ARID5B: variants seen among roughly 807,000 people sequenced by gnomAD.
ARID5B encodes AT-rich interactive domain-containing protein 5B.
Under a neutral mutation model 97.2 loss-of-function variants are expected in ARID5B, and 13 were observed. The observed-to-expected ratio is 0.13, with a 90% CI of 0.09 to 0.21. The LOEUF (loss-of-function observed/expected upper bound fraction) is 0.21, where lower values mean the gene tolerates loss of function less well. Among genes scored for constraint, ARID5B ranks in the 10% least tolerant of loss-of-function variants. The pLI is 1.00. For missense variants in ARID5B, 1,210 were observed against 1,465.3 expected, an observed-to-expected ratio of 0.83 and a Z score of 2.84; for synonymous variants, 556 against 570.3, an observed-to-expected ratio of 0.97 and a Z score of 0.36.
intron 2 of ARID5B, among the ~76,000 whole-genome samples, chr10:61,914,255 T>C (rs1249245257): frequency 1.3e-5 from 2 of 152,262 alleles, no homozygotes; most frequent in African/African-American, 2.4e-5. Context: ...TTGGTACTTA[T>C]GCGAACATCT....
chr10:61,994,878 A>G (rs576937693), intron 3 of ARID5B, among the ~76,000 whole-genome samples: 1 of 152,340 alleles, frequency 6.6e-6, no homozygotes, highest in East Asian at 1.9e-4. Flanking sequence ...TGAAGTTGAA[A>G]TGAGGTTTAG....
intron 4 of ARID5B, among the ~76,000 whole-genome samples, chr10:62,038,323 A>G (rs193166329): frequency 3.6e-4 from 54 of 152,022 alleles, no homozygotes; most frequent in African/African-American, 1.2e-3. Context: ...ACTTGGTTCT[A>G]TAAGTCCCAC....
rs182212284 is a variant in ARID5B at position 62,085,122 on chromosome 10, C to T, written c.1200-580C>T. Among the ~76,000 whole-genome samples, 9 of 152,282 alleles carry T rather than the reference C, an allele frequency of 5.9e-5. No homozygotes were observed. The East Asian group carries it at 1.7e-3, about 29-fold the overall frequency. On this transcript the variant is annotated intron_variant, in intron 8 of 9. Coordinates refer to ENST00000279873, the MANE Select transcript of ARID5B (RefSeq NM_032199.3). ...GGTATGACTCAGGCAAATTGTTTAA[C>T]CTTTATAGGCCTCAATTGCCTCATA...
At chr10:61,907,570 T>C (rs1843727766) in intron 2 of ARID5B, among the ~76,000 whole-genome samples, 1 of 152,250 alleles carries the variant, frequency 6.6e-6, no homozygotes, top group Admixed American at 6.5e-5. Flanking sequence ...GAATAGTGGT[T>C]GCACTTATAA....
chr10:62,087,505 T>A (rs1352762206), intron 9 of ARID5B, among the ~76,000 whole-genome samples: 3 of 147,362 alleles, frequency 2.0e-5, no homozygotes, highest in Non-Finnish European at 4.5e-5. Flanking sequence ...CATTTCAACA[T>A]GAATAATAAA....
At chr10:61,903,470 C>T (rs1843654181) in intron 2 of ARID5B, among the ~76,000 whole-genome samples, 1 of 152,086 alleles carries the variant, frequency 6.6e-6, no homozygotes, top group South Asian at 2.1e-4. Context: ...GTGGTACCTA[C>T]CGAGGGGAAC....
intron 7 of ARID5B, 40 bp downstream of exon 7, chr10:62,059,335 C>G: frequency 1.2e-5 from 19 of 1,573,224 alleles, no homozygotes; most frequent in Non-Finnish European, 1.7e-5. Flanking sequence ...ATTTTGCAAT[C>G]TAACTTTTCC....
In ARID5B at chr10:61,961,758, T is replaced by C. The variant is rs193002955; in HGVS notation, c.502+21350T>C. On this transcript the variant is annotated intron_variant, in intron 3 of 9. Transcript: ENST00000279873. The stretch of plus-strand genomic sequence containing the variant: ...AATTTCTTTCTTTCTTTCTTTCTTT[T>C]TTTTCTGAGATGGAGTTTCACTCTT... Among the ~76,000 whole-genome samples the C allele has an allele frequency of 4.4e-4, 67 of 152,094 alleles. 1 individual carries two copies. Among genetic ancestry groups the C allele is most frequent in the African/African-American group, 1.2e-3 (51 of 41,500 alleles).
At chr10:61,988,920 CT>C (rs893664496) in intron 3 of ARID5B, among the ~76,000 whole-genome samples, 54 of 131,248 alleles carry the variant, frequency 4.1e-4, no homozygotes, top group East Asian at 1.2e-3. Context: ...CACTAGTAAT[CT>C]TTTTTTTTCT....
At chr10:61,928,655 C>A (rs942863500) in intron 2 of ARID5B, among the ~76,000 whole-genome samples, 1 of 152,184 alleles carries the variant, frequency 6.6e-6, no homozygotes, top group African/African-American at 2.4e-5. Flanking sequence ...CTGACTGATA[C>A]AAGGAGAGTC....
chr10:61,922,220 G>A (rs1844028471), intron 2 of ARID5B, among the ~76,000 whole-genome samples: 1 of 152,240 alleles, frequency 6.6e-6, no homozygotes, highest in African/African-American at 2.4e-5. Context: ...AAAGGGCATT[G>A]TGTCTGGTTA....
At chr10:61,984,562 G>C (rs559689276) in intron 3 of ARID5B, among the ~76,000 whole-genome samples, 17 of 152,274 alleles carry the variant, frequency 1.1e-4, no homozygotes, top group Admixed American at 5.9e-4. Flanking sequence ...CAGCAGGTGG[G>C]GGGGGCCTCA....
intron 3 of ARID5B, among the ~76,000 whole-genome samples, chr10:61,948,100 T>C (rs1309331424): frequency 6.6e-6 from 1 of 152,200 alleles, no homozygotes; most frequent in African/African-American, 2.4e-5. Flanking sequence ...AGAAAAAAAG[T>C]GAAATTGGAA....
chr10:61,928,313 T>G (rs898721200), intron 2 of ARID5B, among the ~76,000 whole-genome samples: 1 of 152,142 alleles, frequency 6.6e-6, no homozygotes, highest in African/African-American at 2.4e-5. Context: ...ATCATTATTA[T>G]TATTGAGACA....
intron 3 of ARID5B, among the ~76,000 whole-genome samples, chr10:61,995,198 T>C (rs1296825998): frequency 6.6e-6 from 1 of 152,224 alleles, no homozygotes. Flanking sequence ...AGGAACACTT[T>C]GTTTGTCTTT....
rs1316907449 is a variant in ARID5B, at chr10:62,095,969, A to G, written c.*2939A>G. ...TCTGTGATTTATTGGAGATTTGGAG[A>G]TTCTAAATAATATTTTTAAAAAACT... On this transcript the variant is annotated 3_prime_UTR_variant, in exon 10 of 10. Coordinates refer to ENST00000279873, the MANE Select transcript of ARID5B (RefSeq NM_032199.3). The G allele has an allele frequency of 2.2e-5, 5 of 232,230 alleles. No individual in the cohort carries two copies. Among genetic ancestry groups the G allele is most frequent in the African/African-American group, 8.8e-5 (4 of 45,290 alleles). The allele number at this position is 232,230 out of a possible 1,614,324, so 14.4% of individuals were successfully genotyped here.
chr10:61,940,303 G>C lies in ARID5B; in HGVS notation c.397G>C (p.Ala133Pro). The C allele has an allele frequency of 6.2e-7, 1 of 1,614,194 alleles. No homozygotes were observed. The highest frequency in any genetic ancestry group is 8.5e-7 in the Non-Finnish European group (1 of 1,180,028). ...CCACGCTGGACCAGTGAAAACTGAGGCCTTGGGAAGGAATGGACAGAAGGA... is the reference window on the plus strand; with the variant it reads ...CCACGCTGGACCAGTGAAAACTGAGCCCTTGGGAAGGAATGGACAGAAGGA... Reference protein sequence around the residue: ...GFHAGPVKTEALGRNGQKEAL... With the variant: ...GFHAGPVKTEPLGRNGQKEAL... The change falls in exon 3 of 10, where the codon GCC becomes CCC. Residue 133 changes from alanine (A) to proline (P), a missense_variant. Ala to Pro is a conservative substitution (Grantham distance 27). Transcript: ENST00000279873.
chr10:62,034,302 A>T (rs1839533940), intron 4 of ARID5B, among the ~76,000 whole-genome samples: 1 of 152,296 alleles, frequency 6.6e-6, no homozygotes, highest in South Asian at 2.1e-4. Context: ...ACACAAGCTC[A>T]CTGTATTTTC....
chr10:61,977,166 T>C (rs1838711908), intron 3 of ARID5B, among the ~76,000 whole-genome samples: 2 of 152,252 alleles, frequency 1.3e-5, no homozygotes, highest in Non-Finnish European at 2.9e-5. Context: ...ACTTCATCTA[T>C]GTCCCTACAA....
Sources: gnomAD v4.1 joint callset for allele counts (sites outside exome capture counted in the v4.1 genomes callset) on GRCh38, gnomAD v4.1.1 for gene constraint, MANE v1.5 for transcripts, NCBI Gene and HGNC (gene_info 2026-07-23, HGNC 2026-07-21) for gene names.